Variants in CSMD1 observed in about 807,000 individuals in gnomAD.
The protein encoded by CSMD1 is CUB and sushi domain-containing protein 1.
Under a neutral mutation model 417.5 loss-of-function variants are expected in CSMD1, and 213 were observed. The observed-to-expected ratio is 0.51, with a 90% CI of 0.46 to 0.57. The LOEUF is 0.57. Ranked by LOEUF, CSMD1 falls within the 20% of genes least tolerant of loss-of-function variation. CSMD1 has a pLI of 0.00. For missense variants in CSMD1, 6,923 were observed against 4,529.7 expected, an observed-to-expected ratio of 1.53 and a Z score of -15.17; for synonymous variants, 2,862 against 1,736.8, an observed-to-expected ratio of 1.65 and a Z score of -16.11.
intron 7 of CSMD1, among the ~76,000 whole-genome samples, chr8:3,684,596 CTT>C (rs141663569): frequency 0.27 from 34,565 of 127,338 alleles, 4,728 homozygotes; most frequent in Admixed American, 0.39. Context: ...CTGATACAGT[CTT>C]TTTTTTTTTT....
At chr8:3,275,637 C>G (rs547140109) in intron 26 of CSMD1, among the ~76,000 whole-genome samples, 1 of 152,180 alleles carries the variant, frequency 6.6e-6, no homozygotes, top group South Asian at 2.1e-4. Flanking sequence ...TCTTTTTATT[C>G]TTTTTTCTCT....
chr8:3,659,676 G>A (rs1374735769), intron 7 of CSMD1, among the ~76,000 whole-genome samples: 1 of 152,074 alleles, frequency 6.6e-6, no homozygotes, highest in Non-Finnish European at 1.5e-5. Context: ...TGCTGTTTCT[G>A]TTAACAATAT....
intron 1 of CSMD1, among the ~76,000 whole-genome samples, chr8:4,735,117 T>C (rs1810146443): frequency 2.6e-5 from 4 of 152,206 alleles, no homozygotes; most frequent in Admixed American, 2.6e-4. Flanking sequence ...GCAAAAGGTA[T>C]TTTGGAGCTG....
At chr8:4,781,414 T>C (rs529180875) in intron 1 of CSMD1, among the ~76,000 whole-genome samples, 1 of 152,228 alleles carries the variant, frequency 6.6e-6, no homozygotes, top group Non-Finnish European at 1.5e-5. Context: ...CCAAGAATGC[T>C]TACTGTCAGA....
Position 3,833,798 on chromosome 8 carries a change from G to A in CSMD1, c.819-79756C>T, listed in dbSNP as rs1363174108. On this transcript the variant is annotated intron_variant, in intron 5 of 69. Transcript: ENST00000635120. ...CTCTTGGTAAACTTGGAAAAGAGAGGCTCATTAAAGATAAAACAAAATGGT... is the reference window on the plus strand; with the variant it reads ...CTCTTGGTAAACTTGGAAAAGAGAGACTCATTAAAGATAAAACAAAATGGT... 2.6e-5 allele frequency among the ~76,000 whole-genome samples: 4 copies of A among 151,994 alleles called. No homozygotes were observed. The East Asian group carries it at 5.8e-4, about 22-fold the overall frequency.
intron 3 of CSMD1, among the ~76,000 whole-genome samples, chr8:4,110,964 T>C (rs1463857813): frequency 1.3e-5 from 2 of 152,182 alleles, no homozygotes; most frequent in Admixed American, 1.3e-4. Flanking sequence ...TTACAGTTTC[T>C]TTCTAAAATG....
intron 1 of CSMD1, among the ~76,000 whole-genome samples, chr8:4,785,772 C>T (rs1797370374): frequency 6.6e-6 from 1 of 152,146 alleles, no homozygotes; most frequent in African/African-American, 2.4e-5. Flanking sequence ...CTTTTATTCT[C>T]CCGGGAACCT....
At chr8:3,336,430 A>C (rs567095217) in intron 23 of CSMD1, among the ~76,000 whole-genome samples, 3 of 152,312 alleles carry the variant, frequency 2.0e-5, no homozygotes, top group South Asian at 2.1e-4. Flanking sequence ...TTCATATAGC[A>C]CTTGGATGTT....
At chr8:3,077,625 A>G (rs1813778966) in intron 49 of CSMD1, among the ~76,000 whole-genome samples, 1 of 152,198 alleles carries the variant, frequency 6.6e-6, no homozygotes, top group South Asian at 2.1e-4. Flanking sequence ...AGAATTTTGG[A>G]AAGCCAACTT....
At chr8:4,303,835 T>G (rs1477151512) in intron 3 of CSMD1, among the ~76,000 whole-genome samples, 1 of 152,080 alleles carries the variant, frequency 6.6e-6, no homozygotes. Context: ...GTTGTAGTTT[T>G]TAGTAGAGAC....
chr8:3,280,043 C>G (rs79942546), intron 26 of CSMD1, among the ~76,000 whole-genome samples: 2,597 of 152,218 alleles, frequency 0.017, 20 homozygotes, highest in East Asian at 0.037. Context: ...CAAAGCCGTC[C>G]GTGTTGATCT....
chr8:4,599,376 TC>T (rs947966899), intron 2 of CSMD1, among the ~76,000 whole-genome samples: 1 of 152,100 alleles, frequency 6.6e-6, no homozygotes, highest in African/African-American at 2.4e-5. Flanking sequence ...TTTTTTTTTT[TC>T]CTTAAAGATC....
intron 1 of CSMD1, among the ~76,000 whole-genome samples, chr8:4,673,588 A>C (rs1805486953): frequency 6.6e-6 from 1 of 151,968 alleles, no homozygotes; most frequent in Admixed American, 6.6e-5. Flanking sequence ...CTTGGGGGAA[A>C]CTCTGGGGGC....
At chr8:3,913,501 C>G (rs1291800311) in intron 5 of CSMD1, among the ~76,000 whole-genome samples, 1 of 152,034 alleles carries the variant, frequency 6.6e-6, no homozygotes, top group Non-Finnish European at 1.5e-5. Flanking sequence ...CAGAAGTGAA[C>G]AAAAATGTGT....
intron 12 of CSMD1, among the ~76,000 whole-genome samples, chr8:3,418,707 T>C (rs1306224728): frequency 6.6e-6 from 1 of 152,110 alleles, no homozygotes. Flanking sequence ...GAAATCTACA[T>C]TAACATCACA....
In CSMD1 at chr8:3,162,073, G is replaced by C. The variant is rs1331799579; in HGVS notation, c.5844+86C>G. On this transcript the variant is annotated intron_variant, in intron 38 of 69. Coordinates refer to ENST00000635120, the MANE Select transcript of CSMD1 (RefSeq NM_033225.6). ...TCACAAACTGAGTGAGGAAAACATG[G>C]GTACAAAGTGAGGGCTTTGGCTTTA... The C allele has an allele frequency of 4.9e-6, 4 of 818,658 alleles. No individual in the cohort carries two copies. In the East Asian group the frequency reaches 8.0e-5, roughly 16 times the overall value. The allele number at this position is 818,658 out of a possible 1,614,324, so 50.7% of individuals were successfully genotyped here.
chr8:3,700,406 A>C (rs979739189), intron 7 of CSMD1: 1 of 152,196 alleles, frequency 6.6e-6, no homozygotes, highest in African/African-American at 2.4e-5. Flanking sequence ...ACATACACGT[A>C]TATGTATATG....
intron 1 of CSMD1, among the ~76,000 whole-genome samples, chr8:4,954,135 G>A (rs770906537): frequency 6.6e-6 from 1 of 152,110 alleles, no homozygotes; most frequent in African/African-American, 2.4e-5. Context: ...AAATGCCAAA[G>A]AGTAGGTTCA....
At chr8:3,175,856 G>C (rs542489202) in intron 37 of CSMD1, among the ~76,000 whole-genome samples, 1 of 152,126 alleles carries the variant, frequency 6.6e-6, no homozygotes, top group Non-Finnish European at 1.5e-5. Flanking sequence ...ATGTGAATTA[G>C]GAGAAAAAGT....
Sources: allele counts gnomAD v4.1 joint callset (sites outside exome capture counted in the v4.1 genomes callset), GRCh38; gene constraint gnomAD v4.1.1; transcripts MANE v1.5; gene names NCBI Gene and HGNC (gene_info 2026-07-23, HGNC 2026-07-21).